The following AGPAT3 variants were observed in gnomAD, a reference collection of about 807,000 sequenced individuals.
AGPAT3 encodes the protein 1-acyl-sn-glycerol-3-phosphate acyltransferase gamma.
AGPAT3 carries 5 observed loss-of-function variants against 47.3 expected under a neutral mutation model. The observed-to-expected ratio is 0.11, with a 90% CI of 0.06 to 0.22. The LOEUF (loss-of-function observed/expected upper bound fraction) is 0.22, where lower values mean the gene tolerates loss of function less well. Among genes scored for constraint, AGPAT3 ranks in the 10% least tolerant of loss-of-function variants. The pLI is 1.00. For synonymous variants in AGPAT3, 212 were observed against 208.3 expected (o/e 1.02, Z -0.15); for missense variants, 315 against 493.0 (o/e 0.64, Z 3.42).
chr21:43,969,798 A>G (rs1021001896), intron 5 of AGPAT3, among the ~76,000 whole-genome samples: 1 of 151,890 alleles, frequency 6.6e-6, no homozygotes, highest in African/African-American at 2.4e-5. Context: ...CCCAGATTTA[A>G]GCGATTCTCC....
rs541277149 is a variant in AGPAT3 at position 43,963,448 on chromosome 21, G to A, written c.178+3589G>A. Among the ~76,000 whole-genome samples, 8 of 152,268 alleles carry A rather than the reference G, an allele frequency of 5.3e-5. No individual in the cohort carries two copies. The East Asian group carries it at 5.8e-4, about 11-fold the overall frequency. ...GGAGGAGCCGGGCGCGGTGGCTCAC[G>A]CCTCTAATCCCAGCATTCCAGGAAG... On this transcript the variant is annotated intron_variant, in intron 3 of 9. Transcript: ENST00000291572.
intron 1 of AGPAT3, among the ~76,000 whole-genome samples, chr21:43,891,648 A>G (rs953236135): frequency 2.6e-5 from 4 of 151,392 alleles, no homozygotes; most frequent in Admixed American, 6.6e-5. Flanking sequence ...AAAAAAAAAA[A>G]GGGAGCAACT....
At position 43,985,307 on chromosome 21, in the gene AGPAT3, T is replaced by G. The variant is rs780800893; in HGVS notation, c.*2915T>G. ...TATGTGAGGTGCTTTAAGGTCCCTGTCCTCAGGAAGCGCAGTCTGGTGGAA... is the reference window on the plus strand; with the variant it reads ...TATGTGAGGTGCTTTAAGGTCCCTGGCCTCAGGAAGCGCAGTCTGGTGGAA... On this transcript the variant is annotated 3_prime_UTR_variant, in exon 10 of 10. Coordinates refer to ENST00000291572, the MANE Select transcript of AGPAT3 (RefSeq NM_020132.5). The G allele has an allele frequency of 2.3e-6, 1 of 430,822 alleles. No homozygotes were observed. Among genetic ancestry groups the G allele is most frequent in the Non-Finnish European group, 4.7e-6 (1 of 212,398 alleles). 26.7% of individuals were successfully genotyped at this position (430,822 alleles called of 1,614,324 possible).
At position 43,978,141 on chromosome 21, in the gene AGPAT3, G is replaced by T; in HGVS notation, c.843+20G>T. The T allele has an allele frequency of 1.2e-6, 2 of 1,608,612 alleles. No individual in the cohort carries two copies. Among genetic ancestry groups the T allele is most frequent in the Non-Finnish European group, 8.5e-7 (1 of 1,177,554 alleles). ...GAGAAGGTAAGCAGGCTCTGCTCCC[G>T]CTCAGGGTCCCGGTCTCCTGAAGAG... On this transcript the variant is annotated intron_variant, in intron 8 of 9. Transcript: ENST00000291572.
At chr21:43,889,334 C>T (rs2086052045) in intron 1 of AGPAT3, among the ~76,000 whole-genome samples, 1 of 151,110 alleles carries the variant, frequency 6.6e-6, no homozygotes, top group African/African-American at 2.4e-5. Context: ...AAATTCCCCT[C>T]CATTTCGCAT....
At chr21:43,942,980 A>T (rs1011146176) in intron 2 of AGPAT3, among the ~76,000 whole-genome samples, 1 of 152,222 alleles carries the variant, frequency 6.6e-6, no homozygotes, top group Non-Finnish European at 1.5e-5. Context: ...AGCCTTGTTC[A>T]TCTGGCATTT....
chr21:43,957,894 C>G (rs1045023027), intron 2 of AGPAT3, among the ~76,000 whole-genome samples: 2 of 152,224 alleles, frequency 1.3e-5, no homozygotes, highest in African/African-American at 4.8e-5. Flanking sequence ...GGGGGGCCAC[C>G]GGCTTCCCTG....
intron 1 of AGPAT3, among the ~76,000 whole-genome samples, chr21:43,870,151 T>C (rs1158356700): frequency 6.6e-6 from 1 of 152,228 alleles, no homozygotes; most frequent in African/African-American, 2.4e-5. Context: ...CTCCCTGCCG[T>C]GGCTGGCAGT....
At chr21:43,886,912 T>C (rs1284815299) in intron 1 of AGPAT3, among the ~76,000 whole-genome samples, 1 of 152,248 alleles carries the variant, frequency 6.6e-6, no homozygotes, top group East Asian at 1.9e-4. Flanking sequence ...AACATGGAAG[T>C]GCAGGTATCT....
chr21:43,980,290 A>C (rs924164419), intron 8 of AGPAT3, among the ~76,000 whole-genome samples: 83 of 142,044 alleles, frequency 5.8e-4, no homozygotes, highest in African/African-American at 2.2e-3. Flanking sequence ...AAAAAAAAAA[A>C]ACAAAAAAAA....
At chr21:43,888,621 A>C (rs1601224153) in intron 1 of AGPAT3, among the ~76,000 whole-genome samples, 1 of 152,380 alleles carries the variant, frequency 6.6e-6, no homozygotes, top group South Asian at 2.1e-4. Context: ...ATATATCAGC[A>C]ACAAACAGGT....
intron 2 of AGPAT3, among the ~76,000 whole-genome samples, chr21:43,953,429 G>T (rs569551693): frequency 2.6e-5 from 4 of 152,236 alleles, no homozygotes; most frequent in African/African-American, 9.7e-5. Context: ...GTGCCGTGAC[G>T]TAGCCCAGGA....
intron 2 of AGPAT3, among the ~76,000 whole-genome samples, chr21:43,907,942 C>A (rs2086542299): frequency 6.6e-6 from 1 of 152,228 alleles, no homozygotes; most frequent in Admixed American, 6.5e-5. Flanking sequence ...TCGCACGGCT[C>A]CGTGTGCTGG....
intron 2 of AGPAT3, among the ~76,000 whole-genome samples, chr21:43,911,803 T>C (rs1569060000): frequency 6.6e-6 from 1 of 152,262 alleles, no homozygotes; most frequent in Non-Finnish European, 1.5e-5. Flanking sequence ...TGCAGTCCTC[T>C]GAAGTGCAGG....
rs567383663 is a variant in AGPAT3 at position 43,952,881 on chromosome 21, G to A, written c.-48-6753G>A. ...CACCCCTGAGGTCCCACCCTGTGTG[G>A]CTCTTCTATCCCAGGCGTTCTCCAA... On this transcript the variant is annotated intron_variant, in intron 2 of 9. Transcript: ENST00000291572. The surrounding 1 kb of genome is among the most constrained non-coding windows in gnomAD (Gnocchi z 5.6). Among the ~76,000 whole-genome samples, 3 of 152,228 alleles carry A rather than the reference G, an allele frequency of 2.0e-5. No homozygotes were observed. Among genetic ancestry groups the A allele is most frequent in the Admixed American group, 6.5e-5 (1 of 15,294 alleles).
In AGPAT3 at chr21:43,955,994, A is replaced by T. The variant is rs1239436070; in HGVS notation, c.-48-3640A>T. Among the ~76,000 whole-genome samples the T allele has an allele frequency of 1.3e-5, 2 of 152,020 alleles. No homozygotes were observed. The highest frequency in any genetic ancestry group is 4.1e-4 in the South Asian group (2 of 4,820). The stretch of plus-strand genomic sequence containing the variant: ...AGCCCGGGCATCTGCTTCTCGGAGC[A>T]TCACAGCTGATGTGCTGGCCCTCAA... On this transcript the variant is annotated intron_variant, in intron 2 of 9. Coordinates refer to ENST00000291572, the MANE Select transcript of AGPAT3 (RefSeq NM_020132.5). This position sits in a 1 kb window ranked among gnomAD's most constrained non-coding sequence, Gnocchi z 4.1.
At chr21:43,867,285 C>T (rs1184546978) in intron 1 of AGPAT3, 2 of 152,244 alleles carry the variant, frequency 1.3e-5, no homozygotes, top group Admixed American at 1.3e-4. Flanking sequence ...CTGGAACTCC[C>T]ACCTCCACAG....
At chr21:43,879,718 C>A (rs2085813771) in intron 1 of AGPAT3, among the ~76,000 whole-genome samples, 1 of 152,112 alleles carries the variant, frequency 6.6e-6, no homozygotes, top group Admixed American at 6.6e-5. Context: ...GTCAGGGCGG[C>A]CATGTTGTGT....
At chr21:43,941,991 G>T (rs941779795) in intron 2 of AGPAT3, among the ~76,000 whole-genome samples, 1 of 152,254 alleles carries the variant, frequency 6.6e-6, no homozygotes, top group African/African-American at 2.4e-5. Context: ...AGGTGGCAGG[G>T]GACTGGCTGT....
Sources: gnomAD v4.1 joint callset for allele counts (sites outside exome capture counted in the v4.1 genomes callset) on GRCh38, gnomAD v4.1.1 for gene constraint, Gnocchi (gnomAD v3.1) non-coding constraint, MANE v1.5 for transcripts, NCBI Gene and HGNC (gene_info 2026-07-23, HGNC 2026-07-21) for gene names.